ECEL1: variants seen among roughly 807,000 people sequenced by gnomAD.
ECEL1 encodes the protein endothelin-converting enzyme-like 1.
In ECEL1, 87 loss-of-function variants were observed where a neutral mutation model predicts 101.8. The observed-to-expected ratio is 0.85, with a 90% CI of 0.72 to 1.02. The LOEUF is 1.02. ECEL1 is among the 50% of genes least tolerant of loss of function. The probability of loss-of-function intolerance (pLI) is 0.00; values close to 1 mark genes in which losing one functional copy is unlikely to be tolerated. For missense variants in ECEL1, 1,032 were observed against 1,079.2 expected (o/e 0.96, Z 0.61); for synonymous variants, 487 against 468.7 (o/e 1.04, Z -0.50).
chr2:232,481,337 C>G lies in ECEL1; in HGVS notation c.1989+169G>C, dbSNP rs58166918. On this transcript the variant is annotated intron_variant, in intron 14 of 17. Coordinates refer to ENST00000304546, the MANE Select transcript of ECEL1 (RefSeq NM_004826.4). ...AACCCCCTTGTCCTCCGTAAGTCTG[C>G]GGACACTCATTATCTGTCCACGTGA... Among the ~76,000 whole-genome samples the G allele has an allele frequency of 0.092, 14,045 of 152,284 alleles. 790 individuals carry two copies. The highest frequency in any genetic ancestry group is 0.15 in the South Asian group (714 of 4,832).
At position 232,481,088 on chromosome 2, in the gene ECEL1, C is replaced by T. The variant is rs891742279; in HGVS notation, c.2055+3G>A. ...AGGGGTGGAGCACAGGCAGGCCGCT[C>T]ACGTGGTAGGCCAGCTTGAGGCCGC... On this transcript the variant is annotated splice_donor_region_variant and intron_variant, in intron 15 of 17. Coordinates refer to ENST00000304546, the MANE Select transcript of ECEL1 (RefSeq NM_004826.4). The T allele has an allele frequency of 2.2e-5, 34 of 1,557,962 alleles. No individual in the cohort carries two copies. The highest frequency in any genetic ancestry group is 1.9e-4 in the Admixed American group (10 of 52,076).
At chr2:232,480,290 C>G in intron 17 of ECEL1, 38 bp from the exon 18 acceptor site, 1 of 1,611,526 alleles carries the variant, frequency 6.2e-7, no homozygotes, top group South Asian at 1.1e-5. Context: ...TTGGGCCCTG[C>G]AGCCACTCCA....
In ECEL1 at chr2:232,486,093, G is replaced by A. The variant is rs1415846626; in HGVS notation, c.561C>T (p.Cys187=). The A allele has an allele frequency of 1.9e-6, 3 of 1,596,462 alleles. No individual in the cohort carries two copies. Among genetic ancestry groups the A allele is most frequent in the Non-Finnish European group, 2.6e-6 (3 of 1,172,860 alleles). ...GTCGCTCGATCTCGCGCATGTCGAG[G>A]CACGAGCGGAAGAAGGCGCGCACCT... The part of the protein sequence containing the change: ...QRKVRAFFRS[C]LDMREIERLG... Residue 187 remains cysteine (C), a synonymous_variant, in exon 2 of 18, where the codon TGC becomes TGT. Coordinates refer to ENST00000304546, the MANE Select transcript of ECEL1 (RefSeq NM_004826.4).
chr2:232,484,353 AG>A, intron 6 of ECEL1, 118 bp downstream of exon 6: 1 of 1,565,794 alleles, frequency 6.4e-7, no homozygotes, highest in Non-Finnish European at 8.7e-7. Context: ...AAGAAGGGAC[AG>A]GGGGTCATCC....
chr2:232,482,742 G>A, intron 10 of ECEL1, 109 bp downstream of exon 10: 2 of 1,505,816 alleles, frequency 1.3e-6, no homozygotes, highest in Non-Finnish European at 9.2e-7. Flanking sequence ...GCCCTGTGCT[G>A]GCGTGTGTGC....
Position 232,487,558 on chromosome 2 carries a change from C to T in ECEL1, c.-102+161G>A, listed in dbSNP as rs1045550049. ...CCCCGGCGCCGTGCGGCGCAGTCCG[C>T]GGAGCCCGAGAGCCGAGCCCGGGAG... On this transcript the variant is annotated intron_variant, in intron 1 of 17. Transcript: ENST00000304546. Among the ~76,000 whole-genome samples, 26 of 151,962 alleles carry T rather than the reference C, an allele frequency of 1.7e-4. No homozygotes were observed. The East Asian group carries it at 3.3e-3, about 19-fold the overall frequency.
chr2:232,485,987 C>A lies in ECEL1; in HGVS notation c.667G>T (p.Ala223Ser). 6.2e-7 allele frequency: 1 copy of A among 1,604,542 alleles called. No homozygotes were observed. The highest frequency in any genetic ancestry group is 8.5e-7 in the Non-Finnish European group (1 of 1,177,060). Residue 223 changes from alanine (A) to serine (S), a missense_variant, in exon 2 of 18, where the codon GCG (alanine) becomes TCG (serine). Ala to Ser is a moderately conservative substitution (Grantham distance 99). Transcript: ENST00000304546. ...AGCCGGTTGAGGTCCCATCGCGCCG[C>A]GACCCCCGGACGCTCCTCCGCGCCG... ...LGGAEERPGV[A>S]ARWDLNRLLY...
At chr2:232,484,335 G>A in intron 6 of ECEL1, 112 bp from the exon 7 acceptor site, 2 of 1,559,656 alleles carry the variant, frequency 1.3e-6, no homozygotes, top group Non-Finnish European at 1.7e-6. Context: ...GACCCAGACA[G>A]CCCCACAAAG....
chr2:232,483,115 T>G lies in ECEL1; in HGVS notation c.1571A>C (p.Lys524Thr). ...DFLLKPDAVD[K>T]EYEFEVHEKT... is the part of the protein sequence containing the mutation. ...AGGGTCAGGGCCCACCTCATACTCC[T>G]TGTCCACAGCATCGGGTTTCAGCAG... Residue 524 changes from lysine (K) to threonine (T), a missense_variant, in exon 9 of 18, where the codon AAG (lysine) becomes ACG (threonine). Physicochemically the swap from Lys to Thr is moderately conservative, Grantham distance 78. Coordinates refer to ENST00000304546, the MANE Select transcript of ECEL1 (RefSeq NM_004826.4). 1 of 1,609,442 alleles carries G rather than the reference T, an allele frequency of 6.2e-7. No individual in the cohort carries two copies. Among genetic ancestry groups the G allele is most frequent in the Non-Finnish European group, 8.5e-7 (1 of 1,178,244 alleles).
chr2:232,481,936 C>T lies in ECEL1; in HGVS notation c.1797-87G>A, dbSNP rs79711064. On this transcript the variant is annotated intron_variant, in intron 12 of 17. Coordinates refer to ENST00000304546, the MANE Select transcript of ECEL1 (RefSeq NM_004826.4). Reference sequence around the variant, plus strand: ...GCCCAGGCCCCAGATGTCCCCTGGCCGGGCCAGGAGGTGGCACAGGGAGGC... The same window carrying T: ...GCCCAGGCCCCAGATGTCCCCTGGCTGGGCCAGGAGGTGGCACAGGGAGGC... The T allele has an allele frequency of 0.013, 20,962 of 1,579,976 alleles. 181 individuals are homozygous for T. Among genetic ancestry groups the T allele is most frequent in the Non-Finnish European group, 0.016 (18,449 of 1,157,594 alleles).
In ECEL1 at chr2:232,483,149, G is replaced by A; in HGVS notation, c.1537C>T (p.Pro513Ser). The stretch of plus-strand genomic sequence containing the variant: ...GCATCGGGTTTCAGCAGGAAGTCCG[G>A]GTAGCCGACCATCACCATCATGTAC... ...LQYMMVMVGY[P>S]DFLLKPDAVD... is the part of the protein sequence containing the mutation. The change falls in exon 9 of 18, where the codon CCG becomes TCG. Residue 513 changes from proline to serine, a missense_variant. Pro to Ser is a moderately conservative substitution (Grantham distance 74, BLOSUM62 -1). Transcript: ENST00000304546. The A allele has an allele frequency of 6.2e-7, 1 of 1,608,640 alleles. No individual in the cohort carries two copies. The highest frequency in any genetic ancestry group is 8.5e-7 in the Non-Finnish European group (1 of 1,178,072).
In ECEL1 at chr2:232,486,682, G is replaced by A; in HGVS notation, c.-29C>T. The A allele has an allele frequency of 6.8e-7, 1 of 1,473,730 alleles. No individual in the cohort carries two copies. The highest frequency in any genetic ancestry group is 2.4e-5 in the Admixed American group (1 of 41,012). 91.3% of individuals were successfully genotyped at this position (1,473,730 alleles called of 1,614,324 possible). On this transcript the variant is annotated 5_prime_UTR_variant, in exon 2 of 18. Transcript: ENST00000304546. ...GCCGAGGCCGCCGCGGTGCAGACCT[G>A]GGCCACCTGGGCTACGGGATGCGCG...
chr2:232,484,336 C>T, intron 6 of ECEL1, 113 bp from the exon 7 acceptor site: 3 of 1,559,862 alleles, frequency 1.9e-6, no homozygotes, highest in Non-Finnish European at 2.6e-6. Context: ...ACCCAGACAG[C>T]CCCACAAAGA....
At position 232,481,529 on chromosome 2, in the gene ECEL1, TG is replaced by T; in HGVS notation, c.1965del (p.Asp655GlufsTer10). 1 of 1,612,986 alleles carries T rather than the reference TG, an allele frequency of 6.2e-7. No individual in the cohort carries two copies. Among genetic ancestry groups the T allele is most frequent in the Non-Finnish European group, 8.5e-7 (1 of 1,179,678 alleles). On this transcript the variant is annotated frameshift_variant, in exon 14 of 18. Coordinates refer to ENST00000304546, the MANE Select transcript of ECEL1 (RefSeq NM_004826.4). LOFTEE classifies it high-confidence loss of function. ...RKAECIVRLY[D>X]NFTVYNQRVN... The stretch of plus-strand genomic sequence containing the variant: ...ACCCGCTGGTTGTAGACAGTGAAGT[TG>T]TCATAGAGACGGACGATGCACTCAG...
rs1338931052 is a variant in ECEL1, at chr2:232,485,226, G to A, written c.828C>T (p.Tyr276=). Residue 276 remains tyrosine, a synonymous_variant, in exon 3 of 18, where the codon TAC becomes TAT. Coordinates refer to ENST00000304546, the MANE Select transcript of ECEL1 (RefSeq NM_004826.4). ...DGLTLPERTL[Y]LAQDEDSEKI... ...TCTCACTGTCCTCATCCTGAGCGAG[G>A]TACAGGGTCCTCTCTGGCAGGGTGA... The A allele has an allele frequency of 6.2e-7, 1 of 1,613,662 alleles. No individual in the cohort carries two copies. Among genetic ancestry groups the A allele is most frequent in the Non-Finnish European group, 8.5e-7 (1 of 1,179,982 alleles).
chr2:232,481,010 G>T, intron 15 of ECEL1, 81 bp downstream of exon 15: 1 of 1,518,856 alleles, frequency 6.6e-7, no homozygotes, highest in East Asian at 2.5e-5. Flanking sequence ...GGCAGGGAGA[G>T]GCAGCTCTGT....
In ECEL1 at chr2:232,482,967, C is replaced by A. The variant is rs773792839; in HGVS notation, c.1582-13G>T. 1.2e-6 allele frequency: 2 copies of A among 1,613,910 alleles called. No individual in the cohort carries two copies. The highest frequency in any genetic ancestry group is 8.5e-7 in the Non-Finnish European group (1 of 1,179,982). On this transcript the variant is annotated splice_polypyrimidine_tract_variant and intron_variant, in intron 9 of 17. Transcript: ENST00000304546. ...CATGGACCTCAAACTGCAGGAGGCA[C>A]GGGCGACACTCAGCGGCAGGCCAGG...
chr2:232,486,539 A>C lies in ECEL1; in HGVS notation c.115T>G (p.Leu39Val), dbSNP rs560803020. 18 of 1,330,146 alleles carry C rather than the reference A, an allele frequency of 1.4e-5. No individual in the cohort carries two copies. The South Asian group carries it at 3.3e-4, about 24-fold the overall frequency. The allele number at this position is 1,330,146 out of a possible 1,614,324, so 82.4% of individuals were successfully genotyped here. The change falls in exon 2 of 18, where the codon TTG (leucine) becomes GTG (valine). Residue 39 changes from leucine (L) to valine (V), a missense_variant. Transcript: ENST00000304546. ...CCGGTGGCGCTGCGCGCAGCGCCCAACGGGAAGCCCGGGGGCAGGGAGGCC... is the reference window on the plus strand; with the variant it reads ...CCGGTGGCGCTGCGCGCAGCGCCCACCGGGAAGCCCGGGGGCAGGGAGGCC... ...RGASLPPGFPLGAARSATGAR... is the reference protein window; with the variant it reads ...RGASLPPGFPVGAARSATGAR...
chr2:232,486,149 C>T lies in ECEL1; in HGVS notation c.505G>A (p.Gly169Arg). 2 of 1,566,272 alleles carry T rather than the reference C, an allele frequency of 1.3e-6. No homozygotes were observed. Among genetic ancestry groups the T allele is most frequent in the African/African-American group, 1.4e-5 (1 of 73,302 alleles). Residue 169 changes from glycine (G) to arginine (R), a missense_variant, in exon 2 of 18, where the codon GGG (glycine) becomes AGG (arginine). Physicochemically the swap from Gly to Arg is moderately radical, Grantham distance 125. Transcript: ENST00000304546. ...ERLRRLLARP[G>R]GGPGGAAQRK... The stretch of plus-strand genomic sequence containing the variant: ...TGGGCCGCGCCGCCAGGCCCACCCC[C>T]GGGCCGCGCCAGCAGGCGCCGTAGG...
Sources: gnomAD v4.1 joint callset for allele counts (sites outside exome capture counted in the v4.1 genomes callset) on GRCh38, gnomAD v4.1.1 for gene constraint, MANE v1.5 for transcripts, NCBI Gene and HGNC (gene_info 2026-07-23, HGNC 2026-07-21) for gene names.